Variants in FER observed in about 807,000 individuals in gnomAD.
The protein encoded by FER is FER tyrosine kinase, also known as tyrosine-protein kinase Fer.
A neutral mutation model predicts 111.0 loss-of-function variants in FER; 63 were observed. That is an observed-to-expected ratio of 0.57 (90% CI 0.46 to 0.70). FER has a LOEUF of 0.70. Among genes scored for constraint, FER ranks in the 30% least tolerant of loss-of-function variants. The pLI, the probability that FER is intolerant of heterozygous loss-of-function variation, is 0.00. For missense variants in FER, 914 were observed against 954.0 expected, an observed-to-expected ratio of 0.96 and a Z score of 0.55; for synonymous variants, 327 against 313.9, an observed-to-expected ratio of 1.04 and a Z score of -0.44.
intron 16 of FER, among the ~76,000 whole-genome samples, chr5:109,077,488 A>G (rs575207023): frequency 6.6e-6 from 1 of 152,324 alleles, no homozygotes; most frequent in East Asian, 1.9e-4. Flanking sequence ...AAATTACTAC[A>G]AAATGAAGAC....
chr5:108,951,251 A>G (rs983815612), intron 11 of FER, among the ~76,000 whole-genome samples: 3 of 152,084 alleles, frequency 2.0e-5, no homozygotes, highest in African/African-American at 4.8e-5. Flanking sequence ...GTGACAGAGC[A>G]AGACTCCATC....
chr5:108,915,401 G>C (rs62360832), intron 10 of FER, among the ~76,000 whole-genome samples: 5,744 of 152,206 alleles, frequency 0.038, 161 homozygotes, highest in Middle Eastern at 0.075. Context: ...GAACCCAGGA[G>C]GCAGAGGATG....
intron 2 of FER, among the ~76,000 whole-genome samples, chr5:108,778,147 T>C (rs1421370318): frequency 6.6e-6 from 1 of 152,238 alleles, no homozygotes; most frequent in Non-Finnish European, 1.5e-5. Flanking sequence ...TTCTTTTTAG[T>C]GCTGAATAAT....
intron 17 of FER, among the ~76,000 whole-genome samples, chr5:109,172,648 GA>G (rs1236608521): frequency 6.6e-6 from 1 of 151,858 alleles, no homozygotes; most frequent in Non-Finnish European, 1.5e-5. Context: ...AAAATAAAAA[GA>G]AAAAAATTTT....
At chr5:109,054,676 G>T (rs1206670355) in intron 16 of FER, among the ~76,000 whole-genome samples, 3 of 149,334 alleles carry the variant, frequency 2.0e-5, no homozygotes, top group Non-Finnish European at 3.0e-5. Flanking sequence ...TGAACCCAAG[G>T]TCCTAAAAGT....
At chr5:108,772,316 G>GTA (rs1381336042) in intron 2 of FER, among the ~76,000 whole-genome samples, 2 of 140,350 alleles carry the variant, frequency 1.4e-5, no homozygotes, top group South Asian at 4.4e-4. Context: ...ATATATATAT[G>GTA]TATGTATATA....
intron 9 of FER, among the ~76,000 whole-genome samples, chr5:108,893,111 A>G (rs1337804583): frequency 2.0e-5 from 3 of 152,128 alleles, no homozygotes; most frequent in African/African-American, 7.2e-5. Flanking sequence ...TGATGCCTCC[A>G]GCTTTGTTCT....
chr5:108,969,424 G>C (rs1760327494), intron 13 of FER, among the ~76,000 whole-genome samples: 1 of 151,988 alleles, frequency 6.6e-6, no homozygotes, highest in African/African-American at 2.4e-5. Context: ...AACAGTTTAG[G>C]TTATGTTGTT....
chr5:109,077,652 A>G lies in FER; in HGVS notation c.1925-22744A>G, dbSNP rs138515065. 9.8e-3 allele frequency among the ~76,000 whole-genome samples: 1,497 copies of G among 152,324 alleles called. 19 individuals are homozygous for G. Among genetic ancestry groups the G allele is most frequent in the African/African-American group, 0.034 (1,421 of 41,566 alleles). On this transcript the variant is annotated intron_variant, in intron 16 of 19. Transcript: ENST00000281092. ...GAACATGTACTTGAGACCATCCATC[A>G]GGGCAATATTCCTTGTTTCCTGCCC...
chr5:109,181,706 C>T (rs1296410296), intron 18 of FER, among the ~76,000 whole-genome samples: 1 of 152,036 alleles, frequency 6.6e-6, no homozygotes, highest in Non-Finnish European at 1.5e-5. Context: ...TTATAAATGC[C>T]TTAATTTAAT....
Position 109,105,230 on chromosome 5 carries a change from TTGTGTGTGTGTGTGTGTGTGTGTG to T in FER, c.2048+4737_2048+4760del, listed in dbSNP as rs72106747. 1.3e-3 allele frequency among the ~76,000 whole-genome samples: 185 copies of T among 138,640 alleles called. 2 individuals carry two copies. Among genetic ancestry groups the T allele is most frequent in the African/African-American group, 4.5e-3 (168 of 37,268 alleles). 91.0% of individuals were successfully genotyped at this position (138,640 alleles called of 152,430 possible). A position where few individuals can be genotyped will look rare whatever the true frequency, so the allele number is the denominator to read the frequency against. On this transcript the variant is annotated intron_variant, in intron 17 of 19. Transcript: ENST00000281092. ...GTAAGATACTGCTTCCAGCTTATATTTGTGTGTGTGTGTGTGTGTGTGTGTGTGTGTGTGTGTGTGTGTGTGTGT... is the reference window on the plus strand; with the variant it reads ...GTAAGATACTGCTTCCAGCTTATATTTGTGTGTGTGTGTGTGTGTGTGTGT...
At chr5:109,176,584 G>A (rs1050013537) in intron 17 of FER, among the ~76,000 whole-genome samples, 1 of 152,024 alleles carries the variant, frequency 6.6e-6, no homozygotes, top group Admixed American at 6.6e-5. Context: ...GAATGAATAA[G>A]GTTAATTTAT....
At chr5:109,038,683 T>G (rs1056212949) in intron 14 of FER, among the ~76,000 whole-genome samples, 14 of 151,924 alleles carry the variant, frequency 9.2e-5, no homozygotes, top group Non-Finnish European at 1.9e-4. Flanking sequence ...ATTTCTTCTT[T>G]CCCTTGCTCT....
intron 10 of FER, among the ~76,000 whole-genome samples, chr5:108,929,780 G>C (rs1754304991): frequency 6.6e-6 from 1 of 152,022 alleles, no homozygotes. Flanking sequence ...AATATCAGGG[G>C]AAAAACGTAC....
chr5:109,051,214 C>T, intron 16 of FER: 1 of 781,528 alleles, frequency 1.3e-6, no homozygotes, highest in Non-Finnish European at 2.2e-6. Context: ...TGTTGAATAC[C>T]ACCTCCACCG....
chr5:109,104,899 C>G (rs537823489), intron 17 of FER, among the ~76,000 whole-genome samples: 2 of 151,984 alleles, frequency 1.3e-5, no homozygotes, highest in African/African-American at 2.4e-5. Context: ...CCCGCCACCA[C>G]GCCCGGCTAA....
At position 108,982,724 on chromosome 5, in the gene FER, T is replaced by C. The variant is rs991768034; in HGVS notation, c.1656+23377T>C. On this transcript the variant is annotated intron_variant, in intron 13 of 19. Transcript: ENST00000281092. ...TATGTTTGGTCTGTCATATTTTAGG[T>C]TGAGTCAAGAAAGCTACTATGAAGA... 2.0e-5 allele frequency among the ~76,000 whole-genome samples: 3 copies of C among 152,050 alleles called. No individual in the cohort carries two copies. In the East Asian group the frequency reaches 5.8e-4, roughly 29 times the overall value.
At chr5:108,990,019 A>G (rs1170261640) in intron 13 of FER, among the ~76,000 whole-genome samples, 1 of 151,920 alleles carries the variant, frequency 6.6e-6, no homozygotes, top group Non-Finnish European at 1.5e-5. Context: ...CTTACTAGAT[A>G]CTCAGTAAAT....
At chr5:108,794,765 A>T (rs779806656) in intron 2 of FER, among the ~76,000 whole-genome samples, 1 of 152,030 alleles carries the variant, frequency 6.6e-6, no homozygotes, top group African/African-American at 2.4e-5. Context: ...CACATGTGGG[A>T]TCTCCATTGG....
Sources: gnomAD v4.1 joint callset for allele counts (sites outside exome capture counted in the v4.1 genomes callset) on GRCh38, gnomAD v4.1.1 for gene constraint, MANE v1.5 for transcripts, NCBI Gene and HGNC (gene_info 2026-07-23, HGNC 2026-07-21) for gene names.